Variants in KCNH5 observed in about 807,000 individuals in gnomAD.
The protein encoded by KCNH5 is potassium voltage-gated channel subfamily H member 5, also known as voltage-gated delayed rectifier potassium channel KCNH5.
In KCNH5, 46 loss-of-function variants were observed where a neutral mutation model predicts 96.1. The ratio of observed to expected loss-of-function variants is 0.48; its 90% CI spans 0.38 to 0.61. The LOEUF is 0.61. Among genes scored for constraint, KCNH5 ranks in the 20% least tolerant of loss-of-function variants. KCNH5 has a pLI of 0.00. For synonymous variants in KCNH5, 439 were observed against 449.8 expected (o/e 0.98, Z 0.30); for missense variants, 907 against 1,225.8 (o/e 0.74, Z 3.88).
At chr14:62,888,154 C>G (rs1888635336) in intron 7 of KCNH5, among the ~76,000 whole-genome samples, 1 of 152,140 alleles carries the variant, frequency 6.6e-6, no homozygotes, top group Non-Finnish European at 1.5e-5. Context: ...ATTTGTTGTG[C>G]TTTGTCTTAC....
intron 2 of KCNH5, among the ~76,000 whole-genome samples, chr14:63,007,518 T>C (rs978131144): frequency 1.3e-5 from 2 of 152,174 alleles, no homozygotes; most frequent in African/African-American, 2.4e-5. Context: ...AGTTTTACTA[T>C]GATATCATCT....
chr14:63,014,426 G>T (rs1442464896), intron 2 of KCNH5, among the ~76,000 whole-genome samples: 1 of 152,048 alleles, frequency 6.6e-6, no homozygotes, highest in Non-Finnish European at 1.5e-5. Context: ...CTTACAATCT[G>T]GTACTTGTGT....
rs766830884 is a variant in KCNH5 at position 62,950,505 on chromosome 14, G to A, written c.997C>T (p.Arg333Cys). The A allele has an allele frequency of 6.2e-6, 10 of 1,608,406 alleles. No homozygotes were observed. The highest frequency in any genetic ancestry group is 7.6e-6 in the Non-Finnish European group (9 of 1,179,788). The change falls in exon 7 of 11, where the codon CGT becomes TGT. Residue 333 changes from arginine to cysteine, a missense_variant. Around this residue, in one of 6 missense-constraint regions of KCNH5, gnomAD observed 370 missense variants for 561.3 expected, o/e 0.66. Coordinates refer to ENST00000322893, the MANE Select transcript of KCNH5 (RefSeq NM_139318.5). ...TAATGGTCCAGTTTCCTAGCCACACGGCCCAGTCGTAAGAGACGCACCACT... is the reference window on the plus strand; with the variant it reads ...TAATGGTCCAGTTTCCTAGCCACACAGCCCAGTCGTAAGAGACGCACCACT... ...LKVVRLLRLGRVARKLDHYLE... is the reference protein window; with the variant it reads ...LKVVRLLRLGCVARKLDHYLE...
intron 7 of KCNH5, among the ~76,000 whole-genome samples, chr14:62,896,311 A>G (rs536732731): frequency 1.3e-5 from 2 of 152,320 alleles, no homozygotes; most frequent in Admixed American, 1.3e-4. Context: ...AACACAGTGA[A>G]ACAGTTCAAT....
chr14:62,953,514 C>A (rs1890045028), intron 6 of KCNH5, among the ~76,000 whole-genome samples: 1 of 152,080 alleles, frequency 6.6e-6, no homozygotes, highest in Admixed American at 6.6e-5. Context: ...CCACAGGTAT[C>A]CAAAAATAGG....
At chr14:62,819,960 C>T (rs1158941139) in intron 8 of KCNH5, among the ~76,000 whole-genome samples, 1 of 152,134 alleles carries the variant, frequency 6.6e-6, no homozygotes, top group Non-Finnish European at 1.5e-5. Flanking sequence ...GCCATAAGTA[C>T]TTCGTTTCAT....
intron 1 of KCNH5, among the ~76,000 whole-genome samples, chr14:63,024,576 A>C (rs1891491899): frequency 6.6e-6 from 1 of 152,112 alleles, no homozygotes; most frequent in African/African-American, 2.4e-5. Flanking sequence ...CAAAAAAATC[A>C]GAAATCAAAG....
At chr14:62,968,407 C>A (rs1437497518) in intron 6 of KCNH5, among the ~76,000 whole-genome samples, 1 of 152,174 alleles carries the variant, frequency 6.6e-6, no homozygotes, top group Non-Finnish European at 1.5e-5. Context: ...ATACTTTGCA[C>A]TCCCAGTGGG....
intron 4 of KCNH5, among the ~76,000 whole-genome samples, chr14:62,988,080 A>G (rs990378072): frequency 6.6e-6 from 1 of 152,100 alleles, no homozygotes; most frequent in African/African-American, 2.4e-5. Flanking sequence ...ATGCAATTTA[A>G]TGGGAAAGAA....
At chr14:62,954,776 A>T (rs948958918) in intron 6 of KCNH5, among the ~76,000 whole-genome samples, 1 of 152,168 alleles carries the variant, frequency 6.6e-6, no homozygotes, top group Non-Finnish European at 1.5e-5. Context: ...ACGGCTGGGG[A>T]GGCCTCACAA....
intron 6 of KCNH5, among the ~76,000 whole-genome samples, chr14:62,951,425 T>C (rs1890002821): frequency 6.6e-6 from 1 of 152,080 alleles, no homozygotes; most frequent in Non-Finnish European, 1.5e-5. Flanking sequence ...GTTCACAAAA[T>C]AGGCAGGGAG....
At chr14:62,752,621 G>A (rs955827962) in intron 10 of KCNH5, among the ~76,000 whole-genome samples, 34 of 152,072 alleles carry the variant, frequency 2.2e-4, no homozygotes, top group Admixed American at 1.8e-3. Flanking sequence ...AGACTAATAT[G>A]GTTTGGCTCT....
At chr14:62,728,792 T>C (rs1296433010) in intron 10 of KCNH5, among the ~76,000 whole-genome samples, 1 of 152,210 alleles carries the variant, frequency 6.6e-6, no homozygotes, top group Non-Finnish European at 1.5e-5. Context: ...ATACATGAAA[T>C]GCATTCTCTT....
At chr14:63,044,895 G>A (rs944711339) in intron 1 of KCNH5, among the ~76,000 whole-genome samples, 1 of 152,150 alleles carries the variant, frequency 6.6e-6, no homozygotes, top group African/African-American at 2.4e-5. Context: ...GGTGGGAGGG[G>A]GTGAGTCTGT....
chr14:62,981,132 T>C lies in KCNH5; in HGVS notation c.682A>G (p.Thr228Ala). 6.2e-7 allele frequency: 1 copy of C among 1,614,160 alleles called. No homozygotes were observed. Among genetic ancestry groups the C allele is most frequent in the South Asian group, 1.1e-5 (1 of 91,084 alleles). The part of the protein sequence containing the change: ...DWVILILTFY[T>A]AIMVPYNVSF... ...ACATTATAAGGAACCATAATGGCGGTGTAGAAGGTAAGAATTAAAATCACC... is the reference window on the plus strand; with the variant it reads ...ACATTATAAGGAACCATAATGGCGGCGTAGAAGGTAAGAATTAAAATCACC... The change falls in exon 6 of 11, where the codon ACC becomes GCC. Residue 228 changes from threonine to alanine, a missense_variant. Physicochemically the swap from Thr to Ala is moderately conservative, Grantham distance 58. Around this residue, in one of 6 missense-constraint regions of KCNH5, gnomAD observed 370 missense variants for 561.3 expected, o/e 0.66. Coordinates refer to ENST00000322893, the MANE Select transcript of KCNH5 (RefSeq NM_139318.5).
At chr14:62,853,820 A>C (rs1209070388) in intron 7 of KCNH5, among the ~76,000 whole-genome samples, 1 of 151,676 alleles carries the variant, frequency 6.6e-6, no homozygotes, top group East Asian at 1.9e-4. Context: ...CAGCCTCACC[A>C]ACATGGTGAA....
At chr14:62,766,476 C>A (rs1444127453) in intron 10 of KCNH5, among the ~76,000 whole-genome samples, 1 of 152,124 alleles carries the variant, frequency 6.6e-6, no homozygotes, top group Non-Finnish European at 1.5e-5. Context: ...TATGTATGCA[C>A]ACCTGAGAAC....
At chr14:62,879,526 T>C (rs1452950492) in intron 7 of KCNH5, among the ~76,000 whole-genome samples, 3 of 152,106 alleles carry the variant, frequency 2.0e-5, no homozygotes, top group African/African-American at 7.2e-5. Context: ...AACATTTAGG[T>C]TATTTCCAGT....
At chr14:62,774,570 T>C (rs1477155486) in intron 10 of KCNH5, among the ~76,000 whole-genome samples, 1 of 152,236 alleles carries the variant, frequency 6.6e-6, no homozygotes, top group Non-Finnish European at 1.5e-5. Context: ...GTCACCTGTG[T>C]TACCTTTTTA....
Sources: gnomAD v4.1 joint callset for allele counts (sites outside exome capture counted in the v4.1 genomes callset) on GRCh38, gnomAD v4.1.1 for gene constraint, gnomAD v4.1.1 regional missense constraint, MANE v1.5 for transcripts, NCBI Gene and HGNC (gene_info 2026-07-23, HGNC 2026-07-21) for gene names.